MSH3: variants seen among roughly 807,000 people sequenced by gnomAD.
MSH3 encodes mutS homolog 3.
In MSH3, 106 loss-of-function variants were observed where a neutral mutation model predicts 123.3. The observed-to-expected ratio is 0.86, with a 90% CI of 0.73 to 1.01. The LOEUF (loss-of-function observed/expected upper bound fraction) is 1.01, where lower values mean the gene tolerates loss of function less well. MSH3 is among the 50% of genes least tolerant of loss of function. The probability of loss-of-function intolerance (pLI) is 0.00; values close to 1 mark genes in which losing one functional copy is unlikely to be tolerated. For missense variants in MSH3, 1,459 were observed against 1,347.6 expected, an observed-to-expected ratio of 1.08 and a Z score of -1.29; for synonymous variants, 515 against 481.4, an observed-to-expected ratio of 1.07 and a Z score of -0.91.
At chr5:80,822,865 A>G (rs1293651004) in intron 20 of MSH3, among the ~76,000 whole-genome samples, 3 of 152,202 alleles carry the variant, frequency 2.0e-5, no homozygotes, top group Non-Finnish European at 4.4e-5. Context: ...CCTTTATCTC[A>G]TGACTCAGGA....
chr5:80,677,635 C>T (rs1174544911), intron 7 of MSH3, among the ~76,000 whole-genome samples: 1 of 152,200 alleles, frequency 6.6e-6, no homozygotes, highest in African/African-American at 2.4e-5. Flanking sequence ...CCCTGGGTGT[C>T]CATTCCCTCC....
intron 12 of MSH3, among the ~76,000 whole-genome samples, chr5:80,751,622 A>C (rs1257949761): frequency 6.6e-6 from 1 of 152,134 alleles, no homozygotes; most frequent in Non-Finnish European, 1.5e-5. Context: ...GTTACATGGT[A>C]TGCTTGCTGT....
At chr5:80,808,877 A>C (rs1022440538) in intron 19 of MSH3, among the ~76,000 whole-genome samples, 2 of 142,676 alleles carry the variant, frequency 1.4e-5, no homozygotes, top group African/African-American at 5.2e-5. Flanking sequence ...ATATATATAT[A>C]TATATACACA....
chr5:80,700,673 A>G (rs1206171478), intron 8 of MSH3, among the ~76,000 whole-genome samples: 1 of 152,152 alleles, frequency 6.6e-6, no homozygotes, highest in Non-Finnish European at 1.5e-5. Flanking sequence ...AATAGGTGAT[A>G]GTTATTTTAT....
intron 19 of MSH3, among the ~76,000 whole-genome samples, chr5:80,810,843 T>A (rs1276935667): frequency 6.6e-6 from 1 of 152,166 alleles, no homozygotes; most frequent in Non-Finnish European, 1.5e-5. Flanking sequence ...ATTTGATTTC[T>A]TTTGATACTA....
At chr5:80,723,094 A>AAAATAAATAAATAAATAAAT (rs57338891) in intron 8 of MSH3, among the ~76,000 whole-genome samples, 18 of 144,428 alleles carry the variant, frequency 1.2e-4, no homozygotes, top group South Asian at 2.2e-4. Flanking sequence ...ACTCTGTCTA[A>AAAATAAATAAATAAATAAAT]AAATAAATAA....
intron 22 of MSH3, among the ~76,000 whole-genome samples, chr5:80,865,936 T>C (rs1264683244): frequency 1.3e-5 from 2 of 152,196 alleles, no homozygotes; most frequent in Non-Finnish European, 2.9e-5. Flanking sequence ...AATTCTCTTA[T>C]GGAAGTAGTT....
At chr5:80,720,542 A>G (rs977486662) in intron 8 of MSH3, among the ~76,000 whole-genome samples, 1 of 151,716 alleles carries the variant, frequency 6.6e-6, no homozygotes, top group Non-Finnish European at 1.5e-5. Context: ...ACTATCGTTC[A>G]TTCTGAGAAG....
intron 18 of MSH3, among the ~76,000 whole-genome samples, chr5:80,792,422 A>AAAG (rs1255458241): frequency 4.0e-5 from 6 of 151,678 alleles, no homozygotes; most frequent in Non-Finnish European, 5.9e-5. Flanking sequence ...TAAAAAAAAA[A>AAAG]AAAGAAAGAA....
chr5:80,775,462 G>A lies in MSH3; in HGVS notation c.2254-232G>A, dbSNP rs987108685. Among the ~76,000 whole-genome samples the A allele has an allele frequency of 6.6e-5, 10 of 152,140 alleles. No individual in the cohort carries two copies. In the South Asian group the frequency reaches 1.2e-3, roughly 19 times the overall value. On this transcript the variant is annotated intron_variant, in intron 15 of 23. Coordinates refer to ENST00000265081, the MANE Select transcript of MSH3 (RefSeq NM_002439.5). ...ATATAACAATATTAGAAACATGAAA[G>A]CCCAAGTATTACAAATGTTTTATGC...
chr5:80,665,963 A>G (rs1199782911), intron 3 of MSH3, among the ~76,000 whole-genome samples: 1 of 152,236 alleles, frequency 6.6e-6, no homozygotes, highest in Non-Finnish European at 1.5e-5. Context: ...GGAGAACTTC[A>G]AACAAAAATT....
chr5:80,816,312 A>C (rs1014086014), intron 20 of MSH3, among the ~76,000 whole-genome samples: 6 of 152,188 alleles, frequency 3.9e-5, no homozygotes, highest in African/African-American at 1.4e-4. Context: ...CTGGTCAGGA[A>C]GGTCAGGGGA....
chr5:80,670,913 A>G (rs1257486954), intron 4 of MSH3, among the ~76,000 whole-genome samples: 1 of 152,048 alleles, frequency 6.6e-6, no homozygotes, highest in Non-Finnish European at 1.5e-5. Context: ...TGAGGTCAGG[A>G]GTTTGAGACC....
chr5:80,675,452 CA>C (rs1561438304), intron 7 of MSH3, among the ~76,000 whole-genome samples: 1 of 152,050 alleles, frequency 6.6e-6, no homozygotes, highest in African/African-American at 2.4e-5. Context: ...AGGAAACTTA[CA>C]ATCATGGCGA....
At chr5:80,829,681 A>G (rs1745385371) in intron 20 of MSH3, among the ~76,000 whole-genome samples, 1 of 152,192 alleles carries the variant, frequency 6.6e-6, no homozygotes, top group African/African-American at 2.4e-5. Flanking sequence ...CATGAGAGAT[A>G]TTGGCCTGTA....
chr5:80,808,612 A>G (rs1744944490), intron 19 of MSH3, among the ~76,000 whole-genome samples: 2 of 151,978 alleles, frequency 1.3e-5, no homozygotes, highest in South Asian at 2.1e-4. Flanking sequence ...TATTTTTTCT[A>G]TATATACAAA....
chr5:80,826,706 G>A (rs568586478), intron 20 of MSH3, among the ~76,000 whole-genome samples: 10 of 152,016 alleles, frequency 6.6e-5, no homozygotes, highest in East Asian at 1.9e-4. Flanking sequence ...GTGCCACCAC[G>A]CCCAGCTAAT....
At chr5:80,705,591 A>T (rs1750703159) in intron 8 of MSH3, among the ~76,000 whole-genome samples, 1 of 152,218 alleles carries the variant, frequency 6.6e-6, no homozygotes. Context: ...CTGCTGTAAC[A>T]AAGTGCCACC....
At chr5:80,756,786 T>TAAGC (rs1313582877) in intron 12 of MSH3, among the ~76,000 whole-genome samples, 6 of 152,220 alleles carry the variant, frequency 3.9e-5, no homozygotes, top group African/African-American at 1.4e-4. Context: ...TAGTACTTTG[T>TAAGC]AAGCACTCAG....
Sources: gnomAD v4.1 joint callset for allele counts (sites outside exome capture counted in the v4.1 genomes callset) on GRCh38, gnomAD v4.1.1 for gene constraint, MANE v1.5 for transcripts, NCBI Gene and HGNC (gene_info 2026-07-23, HGNC 2026-07-21) for gene names.